FRY: variants seen among roughly 807,000 people sequenced by gnomAD.
FRY encodes FRY microtubule binding protein, also known as protein furry homolog.
A neutral mutation model predicts 348.4 loss-of-function variants in FRY; 128 were observed. The ratio of observed to expected loss-of-function variants is 0.37; its 90% CI spans 0.32 to 0.43. The LOEUF (loss-of-function observed/expected upper bound fraction) is 0.43. Ranked by LOEUF, FRY falls within the 20% of genes least tolerant of loss-of-function variation. The pLI is 1.00. For synonymous variants in FRY, 1,370 were observed against 1,374.7 expected (o/e 1.00, Z 0.08); for missense variants, 2,736 against 3,695.2 (o/e 0.74, Z 6.73).
chr13:32,052,997 T>C (rs55919268), intron 1 of FRY, among the ~76,000 whole-genome samples: 1,562 of 151,910 alleles, frequency 0.01, 33 homozygotes, highest in African/African-American at 0.036. Context: ...CGTGGAGTCC[T>C]ATCTACTCGG....
At chr13:32,279,992 T>C (rs1048737442) in intron 58 of FRY, among the ~76,000 whole-genome samples, 1 of 152,232 alleles carries the variant, frequency 6.6e-6, no homozygotes, top group Non-Finnish European at 1.5e-5. Flanking sequence ...AGAGGTTGCA[T>C]TTCCACATTG....
chr13:32,222,492 G>A (rs75252493), intron 36 of FRY, among the ~76,000 whole-genome samples: 5 of 152,302 alleles, frequency 3.3e-5, no homozygotes, highest in African/African-American at 1.2e-4. Context: ...GATTACAGAG[G>A]TGAGCTACCG....
chr13:32,296,448 C>T lies in FRY; in HGVS notation c.*988C>T, dbSNP rs960935077. 1.3e-5 allele frequency: 2 copies of T among 152,556 alleles called. No homozygotes were observed. The highest frequency in any genetic ancestry group is 2.4e-5 in the African/African-American group (1 of 41,410). 9.5% of individuals were successfully genotyped at this position (152,556 alleles called of 1,614,324 possible). A position where few individuals can be genotyped will look rare whatever the true frequency, so the allele number is the denominator to read the frequency against. On this transcript the variant is annotated 3_prime_UTR_variant, in exon 61 of 61. Transcript: ENST00000542859. ...ATGTAAAGGGCCATTCTTAAGTTCT[C>T]TCCTTAAACTTAATGCTGTCAAGTG...
chr13:32,186,006 T>C (rs1883004427), intron 26 of FRY, among the ~76,000 whole-genome samples: 1 of 152,152 alleles, frequency 6.6e-6, no homozygotes. Context: ...TAGAAAAAAA[T>C]CTCTGCAGGT....
At chr13:32,157,508 T>G (rs1881184037) in intron 16 of FRY, 103 bp downstream of exon 16, 1 of 1,096,520 alleles carries the variant, frequency 9.1e-7, no homozygotes, top group Non-Finnish European at 1.3e-6. Context: ...TTCTTAGGGT[T>G]CTAAAAAGTA....
chr13:32,270,031 G>A (rs1888127144), intron 55 of FRY, among the ~76,000 whole-genome samples: 1 of 152,162 alleles, frequency 6.6e-6, no homozygotes, highest in Admixed American at 6.5e-5. Context: ...GGCTGGAGGA[G>A]ATGTTAGGCT....
At chr13:32,167,088 C>T (rs1025445974) in intron 17 of FRY, among the ~76,000 whole-genome samples, 3 of 152,096 alleles carry the variant, frequency 2.0e-5, no homozygotes, top group Admixed American at 6.5e-5. Flanking sequence ...AGTTAGATGA[C>T]GAGTAGAATC....
At chr13:32,273,607 G>C (rs562259359) in intron 55 of FRY, among the ~76,000 whole-genome samples, 2 of 152,306 alleles carry the variant, frequency 1.3e-5, no homozygotes, top group South Asian at 4.1e-4. Context: ...ATTAGGCTCA[G>C]TTGAGACACC....
chr13:32,237,971 G>T lies in FRY; in HGVS notation c.6403G>T (p.Ala2135Ser), dbSNP rs1886302413. 6.2e-7 allele frequency: 1 copy of T among 1,613,684 alleles called. No individual in the cohort carries two copies. Among genetic ancestry groups the T allele is most frequent in the African/African-American group, 1.3e-5 (1 of 74,920 alleles). The part of the protein sequence containing the change: ...TPVSKISMVD[A>S]SHAIGFPLNV... ...AGTGTCCAAAATATCCATGGTGGAT[G>T]CATCCCACGCTATTGGTAAAGCCAG... Residue 2135 changes from alanine to serine, a missense_variant, in exon 44 of 61, where the codon GCA becomes TCA. Ala to Ser is a moderately conservative substitution (Grantham distance 99). Around this residue, in one of 9 missense-constraint regions of FRY, gnomAD observed 789 missense variants for 996.2 expected, o/e 0.79. Coordinates refer to ENST00000542859, the MANE Select transcript of FRY (RefSeq NM_023037.3). This position sits in a 1 kb window ranked among gnomAD's most constrained non-coding sequence, Gnocchi z 6.3.
chr13:32,199,917 A>T (rs1271416283), intron 29 of FRY, among the ~76,000 whole-genome samples: 1 of 152,190 alleles, frequency 6.6e-6, no homozygotes, highest in Non-Finnish European at 1.5e-5. Flanking sequence ...TAGAGAAAGC[A>T]ATTTATTCCT....
chr13:32,071,970 T>G (rs1370416328), intron 1 of FRY, among the ~76,000 whole-genome samples: 1 of 152,114 alleles, frequency 6.6e-6, no homozygotes, highest in Admixed American at 6.5e-5. Flanking sequence ...AAAGATAACG[T>G]CATCACATTC....
At chr13:32,121,134 C>CAT (rs557518116) in intron 4 of FRY, among the ~76,000 whole-genome samples, 11 of 152,238 alleles carry the variant, frequency 7.2e-5, no homozygotes, top group Middle Eastern at 3.4e-3. Context: ...AGTATTCGAT[C>CAT]ATATATATAT....
At chr13:32,074,335 CGT>C (rs1874875516) in intron 1 of FRY, among the ~76,000 whole-genome samples, 1 of 152,030 alleles carries the variant, frequency 6.6e-6, no homozygotes, top group African/African-American at 2.4e-5. Flanking sequence ...AAAATTAGAA[CGT>C]GTTAAAACCA....
At chr13:32,120,699 T>C (rs1878597509) in intron 4 of FRY, among the ~76,000 whole-genome samples, 1 of 152,244 alleles carries the variant, frequency 6.6e-6, no homozygotes, top group African/African-American at 2.4e-5. Flanking sequence ...TCTCACTCTG[T>C]CACCAAGGCT....
chr13:32,156,319 T>C (rs1406301952), intron 15 of FRY, among the ~76,000 whole-genome samples: 5 of 152,154 alleles, frequency 3.3e-5, no homozygotes, highest in African/African-American at 1.2e-4. Flanking sequence ...TTTTAAAAGA[T>C]GTAATAGGTT....
chr13:32,101,333 A>G (rs960127957), intron 2 of FRY, among the ~76,000 whole-genome samples: 2 of 152,188 alleles, frequency 1.3e-5, no homozygotes, highest in Non-Finnish European at 2.9e-5. Flanking sequence ...CTTCCATTGT[A>G]TATATATGTA....
chr13:32,127,448 T>C (rs1192225180), intron 7 of FRY, among the ~76,000 whole-genome samples: 3 of 152,194 alleles, frequency 2.0e-5, no homozygotes, highest in African/African-American at 7.2e-5. Context: ...TTGATGGCTT[T>C]TGTGCTAAGT....
chr13:32,244,248 C>A, intron 47 of FRY, 66 bp downstream of exon 47: 1 of 1,464,384 alleles, frequency 6.8e-7, no homozygotes, highest in Non-Finnish European at 9.6e-7. Context: ...TTTCCTGTAG[C>A]TTGGCTACAA....
intron 2 of FRY, among the ~76,000 whole-genome samples, chr13:32,089,398 T>C (rs1876102342): frequency 6.6e-6 from 1 of 152,292 alleles, no homozygotes; most frequent in East Asian, 1.9e-4. Context: ...GGAATATTCC[T>C]GTAGGCTTTC....
Sources: gnomAD v4.1 joint callset for allele counts (sites outside exome capture counted in the v4.1 genomes callset) on GRCh38, gnomAD v4.1.1 for gene constraint, gnomAD v4.1.1 regional missense constraint, Gnocchi (gnomAD v3.1) non-coding constraint, MANE v1.5 for transcripts, NCBI Gene and HGNC (gene_info 2026-07-23, HGNC 2026-07-21) for gene names.